The following PM20D2 variants were observed in gnomAD, a reference collection of about 807,000 sequenced individuals.
The protein encoded by PM20D2 is peptidase M20 domain containing 2.
Under a neutral mutation model 42.9 loss-of-function variants are expected in PM20D2, and 33 were observed. That is an observed-to-expected ratio of 0.77 (90% CI 0.58 to 1.03). PM20D2 has a LOEUF of 1.03. PM20D2 is among the 50% of genes least tolerant of loss of function. The pLI is 0.00. For synonymous variants in PM20D2, 250 were observed against 228.2 expected, an observed-to-expected ratio of 1.10 and a Z score of -0.86; for missense variants, 548 against 557.0, an observed-to-expected ratio of 0.98 and a Z score of 0.16.
the PM20D2 span, among the ~76,000 whole-genome samples, chr6:89,113,962 G>T: frequency 6.6e-6 from 1 of 152,106 alleles, no homozygotes; most frequent in African/African-American, 2.4e-5. Flanking sequence ...AATTTTAAAA[G>T]TGTCTACATG....
At position 89,158,351 on chromosome 6, in the gene PM20D2, T is replaced by G; in HGVS notation, c.939T>G (p.Asp313Glu). Reference sequence around the variant, plus strand: ...TGGAAATTAAAGGTGGAGCACATGATTATTACAATGTTCTTCCCAATAAGA... The same window carrying G: ...TGGAAATTAAAGGTGGAGCACATGAGTATTACAATGTTCTTCCCAATAAGA... The part of the protein sequence containing the change: ...CTVEIKGGAH[D>E]YYNVLPNKSL... The change falls in exon 5 of 7, where the codon GAT (aspartate) becomes GAG (glutamate). Residue 313 changes from aspartate to glutamate, a missense_variant. By Grantham distance (45) the Asp-to-Glu change is conservative. Around this residue, in one of 3 missense-constraint regions of PM20D2, gnomAD observed 470 missense variants for 464.4 expected, o/e 1.01. Coordinates refer to ENST00000275072, the MANE Select transcript of PM20D2 (RefSeq NM_001010853.3). 1 of 1,597,760 alleles carries G rather than the reference T, an allele frequency of 6.3e-7. No homozygotes were observed.
chr6:89,150,445 C>T (rs1310082106), intron 2 of PM20D2, among the ~76,000 whole-genome samples: 2 of 150,576 alleles, frequency 1.3e-5, no homozygotes, highest in African/African-American at 2.4e-5. Context: ...TAAGGTTAGG[C>T]TTCGTGGTCT....
chr6:89,159,931 A>T (rs1033896087), intron 5 of PM20D2, among the ~76,000 whole-genome samples: 1 of 152,158 alleles, frequency 6.6e-6, no homozygotes, highest in African/African-American at 2.4e-5. Flanking sequence ...GGCCTGCTCT[A>T]CCCCGGGTTT....
upstream of PM20D2, among the ~76,000 whole-genome samples, chr6:89,145,249 C>G (rs988257218): frequency 1.3e-5 from 2 of 152,152 alleles, no homozygotes; most frequent in African/African-American, 4.8e-5. Context: ...AATTTCTTCA[C>G]TGGGTAATTA....
At chr6:89,138,515 A>G in the PM20D2 span, among the ~76,000 whole-genome samples, 1 of 152,082 alleles carries the variant, frequency 6.6e-6, no homozygotes, top group African/African-American at 2.4e-5. Context: ...AAAAGATTTT[A>G]AAAAACGAAA....
the PM20D2 span, among the ~76,000 whole-genome samples, chr6:89,129,719 G>C: frequency 6.7e-6 from 1 of 149,952 alleles, no homozygotes; most frequent in Non-Finnish European, 1.5e-5. Context: ...TCAGCCTCCT[G>C]AGTAGCTGGG....
the PM20D2 span, among the ~76,000 whole-genome samples, chr6:89,124,114 T>G: frequency 6.6e-6 from 1 of 152,208 alleles, no homozygotes; most frequent in Admixed American, 6.5e-5. Context: ...AAGCCTGCTC[T>G]CTCTTATAAA....
At chr6:89,112,870 T>A in the PM20D2 span, among the ~76,000 whole-genome samples, 6 of 152,208 alleles carry the variant, frequency 3.9e-5, no homozygotes, top group East Asian at 9.6e-4. Context: ...TTTTAAAAAA[T>A]CTTTTACACC....
At chr6:89,126,668 TAA>T in the PM20D2 span, among the ~76,000 whole-genome samples, 15 of 104,650 alleles carry the variant, frequency 1.4e-4, no homozygotes, top group African/African-American at 3.0e-4. Flanking sequence ...AGACTCCATC[TAA>T]AAAAAAAAAA....
chr6:89,159,379 T>C (rs769741166), intron 5 of PM20D2, among the ~76,000 whole-genome samples: 18 of 152,068 alleles, frequency 1.2e-4, no homozygotes, highest in Non-Finnish European at 1.6e-4. Context: ...GAAGGAGGCA[T>C]AAATCATGTC....
At chr6:89,125,521 C>A in the PM20D2 span, among the ~76,000 whole-genome samples, 1 of 152,048 alleles carries the variant, frequency 6.6e-6, no homozygotes, top group East Asian at 1.9e-4. Flanking sequence ...TGGCTCATGC[C>A]TGTAACCTCA....
the PM20D2 span, among the ~76,000 whole-genome samples, chr6:89,101,005 T>C: frequency 2.0e-5 from 3 of 150,766 alleles, no homozygotes; most frequent in African/African-American, 4.9e-5. Context: ...CTTAGGAGGC[T>C]GAGGCAAGAG....
the PM20D2 span, among the ~76,000 whole-genome samples, chr6:89,116,022 A>G: frequency 3.9e-5 from 6 of 152,342 alleles, no homozygotes; most frequent in Admixed American, 3.9e-4. Context: ...TTCTCTTTAC[A>G]ACTAGTAAGA....
At chr6:89,143,775 CCAT>C (rs1770420350), upstream of PM20D2, among the ~76,000 whole-genome samples, 1 of 152,176 alleles carries the variant, frequency 6.6e-6, no homozygotes, top group African/African-American at 2.4e-5. Flanking sequence ...ATGTCCAACT[CCAT>C]CAGCTTCCAG....
At chr6:89,094,259 G>A in the PM20D2 span, among the ~76,000 whole-genome samples, 2 of 150,548 alleles carry the variant, frequency 1.3e-5, no homozygotes, top group Non-Finnish European at 3.0e-5. Flanking sequence ...GAGTCACTCT[G>A]TTGCCCAGGC....
Position 89,154,761 on chromosome 6 carries a change from T to C in PM20D2, c.771T>C (p.Asn257=). 1 of 1,541,258 alleles carries C rather than the reference T, an allele frequency of 6.5e-7. No homozygotes were observed. The highest frequency in any genetic ancestry group is 1.2e-5 in the South Asian group (1 of 80,258). ...TTCTTTTTATAGGTATAATAAAAAA[T>C]GGTGGTGTAAAACCCAATATCATTC... is the stretch of plus-strand genomic sequence containing the variant. The part of the protein sequence containing the change: ...PTWRVHGIIK[N]GGVKPNIIPS... Residue 257 remains asparagine (N), a synonymous_variant, in exon 4 of 7, where the codon AAT becomes AAC. Coordinates refer to ENST00000275072, the MANE Select transcript of PM20D2 (RefSeq NM_001010853.3).
the PM20D2 span, among the ~76,000 whole-genome samples, chr6:89,116,274 G>T: frequency 6.6e-6 from 1 of 152,164 alleles, no homozygotes; most frequent in Non-Finnish European, 1.5e-5. Flanking sequence ...CCCTGAAGAG[G>T]CTTGATGCTT....
At chr6:89,108,278 T>A in the PM20D2 span, among the ~76,000 whole-genome samples, 1 of 152,244 alleles carries the variant, frequency 6.6e-6, no homozygotes, top group African/African-American at 2.4e-5. Context: ...TGCATTTATA[T>A]GTTAGCCAGT....
At position 89,161,771 on chromosome 6, in the gene PM20D2, G is replaced by T. The variant is rs7771430; in HGVS notation, c.1049-12G>T. ...ACTTAAATAGACTTTTCTTAACTTT[G>T]TGTGTTCCAAGGATCTACGGATTTT... On this transcript the variant is annotated splice_polypyrimidine_tract_variant and intron_variant, in intron 5 of 6. Transcript: ENST00000275072. The T allele has an allele frequency of 1.3e-3, 1,977 of 1,572,058 alleles. 27 individuals carry two copies. The African/African-American group carries it at 0.024, about 19-fold the overall frequency.
Sources: allele counts gnomAD v4.1 joint callset (sites outside exome capture counted in the v4.1 genomes callset), GRCh38; gene constraint gnomAD v4.1.1; regional missense constraint gnomAD v4.1.1; transcripts MANE v1.5; gene names NCBI Gene and HGNC (gene_info 2026-07-23, HGNC 2026-07-21).